OLA1: variants seen among roughly 807,000 people sequenced by gnomAD.
The protein encoded by OLA1 is obg-like ATPase 1.
In OLA1, 14 loss-of-function variants were observed where a neutral mutation model predicts 48.4. The ratio of observed to expected loss-of-function variants is 0.29; its 90% CI spans 0.19 to 0.45. The LOEUF (loss-of-function observed/expected upper bound fraction) is 0.45. OLA1 is among the 20% of genes least tolerant of loss of function. The pLI, the probability that OLA1 is intolerant of heterozygous loss-of-function variation, is 1.00. For missense variants in OLA1, 325 were observed against 467.1 expected, an observed-to-expected ratio of 0.70 and a Z score of 2.80; for synonymous variants, 127 against 150.4, an observed-to-expected ratio of 0.84 and a Z score of 1.14.
intron 5 of OLA1, among the ~76,000 whole-genome samples, chr2:174,134,217 T>A (rs1184304690): frequency 6.6e-6 from 1 of 152,236 alleles, no homozygotes; most frequent in African/African-American, 2.4e-5. Context: ...CTAGTTCATA[T>A]GGTAAGTCTA....
chr2:174,123,066 A>C, intron 7 of OLA1, 114 bp downstream of exon 7: 1 of 586,416 alleles, frequency 1.7e-6, no homozygotes, highest in Non-Finnish European at 3.0e-6. Flanking sequence ...AAACTTTTTA[A>C]TAAGGAGAAA....
chr2:174,224,099 A>C (rs746823328), intron 3 of OLA1, among the ~76,000 whole-genome samples: 3 of 152,226 alleles, frequency 2.0e-5, no homozygotes, highest in Admixed American at 6.5e-5. Flanking sequence ...TACAACATAA[A>C]AGTTCCACAA....
rs1385773931 is a variant in OLA1, at chr2:174,092,137, AAAAAAG to A, written c.729-10079_729-10074del. On this transcript the variant is annotated intron_variant, in intron 7 of 10. Coordinates refer to ENST00000284719, the MANE Select transcript of OLA1 (RefSeq NM_013341.5). The stretch of plus-strand genomic sequence containing the variant: ...AGCAAAACTCCATCTCAAAAAAAAA[AAAAAAG>A]AAAGAAAAGAAAAGAAAAAAGGAAA... Among the ~76,000 whole-genome samples, 959 of 148,690 alleles carry A rather than the reference AAAAAAG, an allele frequency of 6.4e-3. 11 individuals carry two copies. Among genetic ancestry groups the A allele is most frequent in the African/African-American group, 0.021 (860 of 40,960 alleles).
chr2:174,235,583 G>T (rs1688828826), intron 2 of OLA1, among the ~76,000 whole-genome samples: 1 of 152,168 alleles, frequency 6.6e-6, no homozygotes, highest in Admixed American at 6.6e-5. Context: ...CCAGCTTACT[G>T]CCTACTGATG....
intron 4 of OLA1, among the ~76,000 whole-genome samples, chr2:174,161,879 C>A (rs188628686): frequency 2.5e-4 from 38 of 152,242 alleles, no homozygotes; most frequent in Non-Finnish European, 4.1e-4. Context: ...CTTTTATTGA[C>A]TGCTATGTAA....
intron 4 of OLA1, among the ~76,000 whole-genome samples, chr2:174,146,531 C>G (rs1686604854): frequency 6.6e-6 from 1 of 152,148 alleles, no homozygotes; most frequent in Admixed American, 6.5e-5. Context: ...ATAAAATTGA[C>G]AGTTATCAAA....
chr2:174,192,784 TCTTTCAGCACTTCCA>T (rs1268663239), intron 4 of OLA1, among the ~76,000 whole-genome samples: 1 of 152,234 alleles, frequency 6.6e-6, no homozygotes, highest in Non-Finnish European at 1.5e-5. Context: ...TGAGTTTTTT[TCTTTCAGCACTTCCA>T]AAGTGTCATT....
At chr2:174,140,369 CT>C (rs111932848) in intron 5 of OLA1, among the ~76,000 whole-genome samples, 8,398 of 143,614 alleles carry the variant, frequency 0.058, 297 homozygotes, top group Middle Eastern at 0.15. Flanking sequence ...CTTTTTCTTT[CT>C]TTTTTTTTTT....
At chr2:174,184,547 T>C (rs1031764375) in intron 4 of OLA1, among the ~76,000 whole-genome samples, 12 of 152,230 alleles carry the variant, frequency 7.9e-5, no homozygotes, top group African/African-American at 2.9e-4. Context: ...TAATGTGATA[T>C]CCTGGATTGA....
chr2:174,137,242 C>G (rs750890918), intron 5 of OLA1, among the ~76,000 whole-genome samples: 3 of 152,130 alleles, frequency 2.0e-5, no homozygotes, highest in African/African-American at 4.8e-5. Context: ...AGCAGTAGGT[C>G]TCAATGAAAG....
intron 4 of OLA1, among the ~76,000 whole-genome samples, chr2:174,156,248 A>G (rs888025868): frequency 3.3e-5 from 5 of 152,162 alleles, no homozygotes; most frequent in African/African-American, 1.2e-4. Context: ...TGTGCATTGT[A>G]GGATGTTTAA....
intron 7 of OLA1, among the ~76,000 whole-genome samples, chr2:174,122,635 G>T (rs1685939200): frequency 6.6e-6 from 1 of 151,904 alleles, no homozygotes; most frequent in Admixed American, 6.6e-5. Context: ...GTACATTTTG[G>T]TTACATGCCA....
Position 174,232,835 on chromosome 2 carries a change from G to T in OLA1, c.102-3384C>A, listed in dbSNP as rs560724446. Among the ~76,000 whole-genome samples the T allele has an allele frequency of 2.6e-5, 4 of 152,226 alleles. No individual in the cohort carries two copies. In the East Asian group the frequency reaches 7.7e-4, roughly 29 times the overall value. On this transcript the variant is annotated intron_variant, in intron 2 of 10. Transcript: ENST00000284719. ...AAAAGTAAAAATAGAATTACCATAC[G>T]ATCCAGCAATCTCACTTCTGGGTAT...
chr2:174,246,838 T>C (rs368928889), intron 1 of OLA1, 23 bp from the exon 2 acceptor site: 1 of 1,482,140 alleles, frequency 6.7e-7, no homozygotes, highest in Non-Finnish European at 9.4e-7. Context: ...AGCAAACATA[T>C]GAACAAAACT....
chr2:174,205,867 G>T (rs1475262304), intron 4 of OLA1, among the ~76,000 whole-genome samples: 4 of 152,126 alleles, frequency 2.6e-5, no homozygotes, highest in Non-Finnish European at 5.9e-5. Flanking sequence ...GAAAACTTGT[G>T]ATTATTTTGA....
At chr2:174,137,390 G>A (rs754663683) in intron 5 of OLA1, among the ~76,000 whole-genome samples, 6 of 152,164 alleles carry the variant, frequency 3.9e-5, no homozygotes, top group African/African-American at 1.2e-4. Flanking sequence ...AGTATAACTC[G>A]CAAAGGCTCT....
chr2:174,134,892 T>C (rs1686266988), intron 5 of OLA1, among the ~76,000 whole-genome samples: 1 of 152,198 alleles, frequency 6.6e-6, no homozygotes, highest in African/African-American at 2.4e-5. Context: ...CCGGGCGTGG[T>C]GGCTCATGCC....
chr2:174,137,470 G>A (rs1356121540), intron 5 of OLA1, among the ~76,000 whole-genome samples: 2 of 152,182 alleles, frequency 1.3e-5, no homozygotes, highest in Non-Finnish European at 1.5e-5. Flanking sequence ...CCTTAACAAG[G>A]GAGTCAGCAT....
chr2:174,076,080 C>A (rs1014540066), intron 10 of OLA1, among the ~76,000 whole-genome samples: 1 of 152,176 alleles, frequency 6.6e-6, no homozygotes, highest in African/African-American at 2.4e-5. Flanking sequence ...GAAGTATGTA[C>A]TAGAATTCAT....
Sources: gnomAD v4.1 joint callset for allele counts (sites outside exome capture counted in the v4.1 genomes callset) on GRCh38, gnomAD v4.1.1 for gene constraint, MANE v1.5 for transcripts, NCBI Gene and HGNC (gene_info 2026-07-23, HGNC 2026-07-21) for gene names.